The following ADAMTSL1 variants were observed in gnomAD, a reference collection of about 807,000 sequenced individuals.
The protein encoded by ADAMTSL1 is ADAMTS like 1.
A neutral mutation model predicts 201.8 loss-of-function variants in ADAMTSL1; 126 were observed. That is an observed-to-expected ratio of 0.62 (90% CI 0.54 to 0.72). ADAMTSL1 has a LOEUF of 0.72. ADAMTSL1 is among the 30% of genes least tolerant of loss of function. The pLI is 0.00. For synonymous variants in ADAMTSL1, 1,121 were observed against 903.4 expected (o/e 1.24, Z -4.32); for missense variants, 2,679 against 2,277.8 (o/e 1.18, Z -3.59).
rs553074785 is a variant in ADAMTSL1, at chr9:17,931,906, T to C, written c.87+24984T>C. Among the ~76,000 whole-genome samples the C allele has an allele frequency of 2.0e-5, 3 of 152,296 alleles. No individual in the cohort carries two copies. In the East Asian group the frequency reaches 5.8e-4, roughly 29 times the overall value. ...ACAGCAGTGCTGATTGGCAACAAGA[T>C]GGTGAATAATCATCTTCCCCTGTGT... On this transcript the variant is annotated intron_variant, in intron 1 of 29. Transcript: ENST00000680146.
intron 3 of ADAMTSL1, among the ~76,000 whole-genome samples, chr9:18,569,230 GGA>G (rs1398165090): frequency 6.6e-6 from 1 of 152,056 alleles, no homozygotes; most frequent in Admixed American, 6.6e-5. Flanking sequence ...GTTTTGAATT[GGA>G]TTCATATATG....
intron 13 of ADAMTSL1, among the ~76,000 whole-genome samples, chr9:18,695,852 G>A (rs530148244): frequency 6.6e-6 from 1 of 152,198 alleles, no homozygotes; most frequent in South Asian, 2.1e-4. Flanking sequence ...TGCTATAAAG[G>A]ACTACCAGTA....
At chr9:18,039,375 T>C (rs1294997835) in intron 1 of ADAMTSL1, among the ~76,000 whole-genome samples, 1 of 152,174 alleles carries the variant, frequency 6.6e-6, no homozygotes, top group Non-Finnish European at 1.5e-5. Flanking sequence ...TGACGGATAA[T>C]GCCTTCCTAC....
At chr9:18,907,232 C>G in intron 28 of ADAMTSL1, 1 of 354,784 alleles carries the variant, frequency 2.8e-6, no homozygotes, top group Non-Finnish European at 5.1e-6. Flanking sequence ...CAGGGTCTGA[C>G]TCATCAACAA....
At chr9:18,799,685 A>G (rs1425959427) in intron 20 of ADAMTSL1, among the ~76,000 whole-genome samples, 1 of 152,168 alleles carries the variant, frequency 6.6e-6, no homozygotes. Context: ...AACACAGATG[A>G]GCTCATCTGA....
Position 18,689,847 on chromosome 9 carries a change from C to T in ADAMTSL1, c.1574+5047C>T, listed in dbSNP as rs900583009. Among the ~76,000 whole-genome samples, 12 of 152,176 alleles carry T rather than the reference C, an allele frequency of 7.9e-5. No homozygotes were observed. The East Asian group carries it at 1.3e-3, about 17-fold the overall frequency. Reference sequence around the variant, plus strand: ...AGGTAGGATTGGGTAGTCCTTGTGCCTTGATCTTGCTTTTTAAAAGATCTT... The same window carrying T: ...AGGTAGGATTGGGTAGTCCTTGTGCTTTGATCTTGCTTTTTAAAAGATCTT... On this transcript the variant is annotated intron_variant, in intron 13 of 28. Coordinates refer to ENST00000380548, the MANE Select transcript of ADAMTSL1 (RefSeq NM_001040272.6).
intron 2 of ADAMTSL1, among the ~76,000 whole-genome samples, chr9:18,234,735 T>C (rs1830773819): frequency 6.6e-6 from 1 of 152,186 alleles, no homozygotes; most frequent in Admixed American, 6.5e-5. Context: ...AAAATATTCA[T>C]TTGGTACAGT....
At chr9:18,805,914 GC>G (rs1047776879) in intron 20 of ADAMTSL1, among the ~76,000 whole-genome samples, 2 of 152,132 alleles carry the variant, frequency 1.3e-5, no homozygotes, top group African/African-American at 4.8e-5. Flanking sequence ...GTCTGTTGTT[GC>G]CCCGTTTCCA....
chr9:18,308,182 A>G (rs545160017), intron 2 of ADAMTSL1, among the ~76,000 whole-genome samples: 8 of 152,296 alleles, frequency 5.3e-5, no homozygotes, highest in Admixed American at 2.6e-4. Flanking sequence ...TCTCTGGGAC[A>G]CAGCTAAAGC....
intron 2 of ADAMTSL1, among the ~76,000 whole-genome samples, chr9:18,164,565 T>C (rs1827550116): frequency 1.3e-5 from 2 of 151,742 alleles, no homozygotes; most frequent in East Asian, 3.9e-4. Context: ...CTGTGATTTG[T>C]AATTTGGACT....
At chr9:18,683,397 T>C (rs1051931161) in intron 12 of ADAMTSL1, among the ~76,000 whole-genome samples, 2 of 140,816 alleles carry the variant, frequency 1.4e-5, no homozygotes, top group African/African-American at 2.6e-5. Flanking sequence ...GCTAATTTTT[T>C]GTATTTTTTT....
chr9:18,888,170 TG>T (rs1829021680), intron 24 of ADAMTSL1, 127 bp downstream of exon 24: 1 of 990,746 alleles, frequency 1.0e-6, no homozygotes, highest in African/African-American at 1.6e-5. Flanking sequence ...ACCAAAGCCA[TG>T]CCATGTTTCC....
At chr9:18,274,087 T>G (rs2132594290) in intron 2 of ADAMTSL1, among the ~76,000 whole-genome samples, 1 of 152,330 alleles carries the variant, frequency 6.6e-6, no homozygotes, top group East Asian at 1.9e-4. Flanking sequence ...AAGAGAAATT[T>G]TGAATGAAGG....
rs1343490132 is a variant in ADAMTSL1 at position 18,129,542 on chromosome 9, C to G, written c.88-34320C>G. Among the ~76,000 whole-genome samples, 6 of 152,184 alleles carry G rather than the reference C, an allele frequency of 3.9e-5. No homozygotes were observed. In the East Asian group the frequency reaches 1.2e-3, roughly 29 times the overall value. On this transcript the variant is annotated intron_variant, in intron 1 of 29. Transcript: ENST00000680146. ...TCATCCCTTTTCTGTGGGTTTTTAT[C>G]TGTTAATTCTGTCAATTCACAGATG... is the stretch of plus-strand genomic sequence containing the variant.
chr9:18,113,624 A>T (rs527954591), intron 1 of ADAMTSL1, among the ~76,000 whole-genome samples: 1 of 152,246 alleles, frequency 6.6e-6, no homozygotes, highest in African/African-American at 2.4e-5. Context: ...CTTGACTGGA[A>T]TGTGGATCCA....
rs529721628 is a variant in ADAMTSL1 at position 18,562,184 on chromosome 9, G to A, written c.238-11846G>A. ...CCGGTTTTTTCTTTCCATGTTTAGC[G>A]CTTCCTTCAGGAGCTCTTTTAGGGC... On this transcript the variant is annotated intron_variant, in intron 3 of 28. Coordinates refer to ENST00000380548, the MANE Select transcript of ADAMTSL1 (RefSeq NM_001040272.6). 5.9e-5 allele frequency among the ~76,000 whole-genome samples: 9 copies of A among 152,192 alleles called. No individual in the cohort carries two copies. The South Asian group carries it at 6.2e-4, about 11-fold the overall frequency.
intron 13 of ADAMTSL1, among the ~76,000 whole-genome samples, chr9:18,703,051 C>T (rs574789604): frequency 2.0e-5 from 3 of 152,174 alleles, no homozygotes; most frequent in Admixed American, 6.5e-5. Flanking sequence ...CGTGAGTGCC[C>T]GGCCGACAAG....
chr9:18,599,722 C>G (rs1824500901), intron 4 of ADAMTSL1, among the ~76,000 whole-genome samples: 1 of 151,782 alleles, frequency 6.6e-6, no homozygotes, highest in African/African-American at 2.4e-5. Context: ...TTCTGTTCTG[C>G]ACCCATCATG....
chr9:18,845,721 T>G (rs1378383618), intron 23 of ADAMTSL1, among the ~76,000 whole-genome samples: 3 of 152,268 alleles, frequency 2.0e-5, no homozygotes, highest in Non-Finnish European at 2.9e-5. Flanking sequence ...GGCAAGGCTC[T>G]TGTTGACCCT....
Sources: gnomAD v4.1 joint callset for allele counts (sites outside exome capture counted in the v4.1 genomes callset) on GRCh38, gnomAD v4.1.1 for gene constraint, MANE v1.5 for transcripts, NCBI Gene and HGNC (gene_info 2026-07-23, HGNC 2026-07-21) for gene names.